Variants in ADGRL4 observed in about 807,000 individuals in gnomAD.
ADGRL4 encodes the protein adhesion G protein-coupled receptor L4, also known as EGF, latrophilin and seven transmembrane domain containing 1.
Under a neutral mutation model 74.8 loss-of-function variants are expected in ADGRL4, and 90 were observed. The ratio of observed to expected loss-of-function variants is 1.20; its 90% CI spans 1.02 to 1.43. The LOEUF (loss-of-function observed/expected upper bound fraction) is 1.43. Ranked by LOEUF, ADGRL4 falls within the 40% of genes most tolerant of loss-of-function variation. The pLI, the probability that ADGRL4 is intolerant of heterozygous loss-of-function variation, is 0.00. For synonymous variants in ADGRL4, 311 were observed against 279.2 expected (o/e 1.11, Z -1.14); for missense variants, 881 against 814.3 (o/e 1.08, Z -1.00).
chr1:78,963,272 C>T (rs1177356470), intron 2 of ADGRL4, among the ~76,000 whole-genome samples: 1 of 152,126 alleles, frequency 6.6e-6, no homozygotes, highest in African/African-American at 2.4e-5. Flanking sequence ...GTTCACATTG[C>T]AACAGAGAGG....
chr1:78,908,578 G>A (rs562183063), intron 12 of ADGRL4, among the ~76,000 whole-genome samples: 2 of 151,964 alleles, frequency 1.3e-5, no homozygotes, highest in Admixed American at 1.3e-4. Flanking sequence ...AGGATTAACT[G>A]AGATATAAGT....
intron 7 of ADGRL4, among the ~76,000 whole-genome samples, chr1:78,929,594 G>T (rs1649197068): frequency 6.6e-6 from 1 of 151,496 alleles, no homozygotes; most frequent in South Asian, 2.1e-4. Flanking sequence ...ATGTTTTAAA[G>T]AATGCATGTG....
At chr1:78,921,217 A>G (rs1648992347) in intron 9 of ADGRL4, among the ~76,000 whole-genome samples, 1 of 151,516 alleles carries the variant, frequency 6.6e-6, no homozygotes, top group East Asian at 1.9e-4. Flanking sequence ...GTGTGCTAAT[A>G]CTTATTGCCC....
chr1:78,891,453 A>AATT, intron 14 of ADGRL4, 71 bp downstream of exon 14: 2 of 1,476,496 alleles, frequency 1.4e-6, no homozygotes, highest in Non-Finnish European at 1.8e-6. Context: ...TGAGAGTAAG[A>AATT]ATTTTCTATC....
chr1:78,951,582 G>A (rs369953890), intron 2 of ADGRL4, among the ~76,000 whole-genome samples: 6 of 152,118 alleles, frequency 3.9e-5, no homozygotes, highest in African/African-American at 1.2e-4. Context: ...ATTTATACCC[G>A]ATAGTATGAA....
At chr1:78,944,311 G>A (rs751827333) in intron 3 of ADGRL4, among the ~76,000 whole-genome samples, 20 of 152,142 alleles carry the variant, frequency 1.3e-4, no homozygotes, top group South Asian at 2.1e-4. Context: ...TTCACTAACT[G>A]GAACATTTCC....
At chr1:78,960,992 T>C (rs1042260954) in intron 2 of ADGRL4, among the ~76,000 whole-genome samples, 3 of 152,240 alleles carry the variant, frequency 2.0e-5, no homozygotes, top group African/African-American at 7.2e-5. Context: ...GCACCCATAT[T>C]TATTCATAAA....
At chr1:78,940,510 T>C (rs1466095520) in intron 3 of ADGRL4, among the ~76,000 whole-genome samples, 1 of 152,140 alleles carries the variant, frequency 6.6e-6, no homozygotes, top group Non-Finnish European at 1.5e-5. Context: ...TACAGTGAAA[T>C]ATGCTTCACA....
At chr1:78,917,456 A>G (rs1232799782) in intron 12 of ADGRL4, among the ~76,000 whole-genome samples, 178 bp downstream of exon 12, 2 of 151,146 alleles carry the variant, frequency 1.3e-5, no homozygotes, top group Admixed American at 6.6e-5. Flanking sequence ...AAAGCTATAC[A>G]TGATTTAAAA....
At chr1:78,913,922 G>C (rs1049906438) in intron 12 of ADGRL4, among the ~76,000 whole-genome samples, 2 of 151,820 alleles carry the variant, frequency 1.3e-5, no homozygotes, top group African/African-American at 4.8e-5. Context: ...TATTTGTGGA[G>C]GTAAAAATTT....
At chr1:78,989,557 C>T (rs768058233) in intron 2 of ADGRL4, among the ~76,000 whole-genome samples, 6 of 151,524 alleles carry the variant, frequency 4.0e-5, no homozygotes, top group Non-Finnish European at 5.9e-5. Context: ...GTAATATGTT[C>T]TTCTTCTAGG....
intron 2 of ADGRL4, among the ~76,000 whole-genome samples, chr1:78,958,542 A>C (rs79653203): frequency 0.039 from 5,927 of 152,264 alleles, 153 homozygotes; most frequent in Middle Eastern, 0.058. Context: ...AAATATCAAG[A>C]GAACTAGAAA....
At chr1:78,949,668 A>G (rs1649682612) in intron 2 of ADGRL4, among the ~76,000 whole-genome samples, 2 of 152,136 alleles carry the variant, frequency 1.3e-5, no homozygotes, top group Non-Finnish European at 2.9e-5. Context: ...GTTTCTCTGG[A>G]TGAGTATAGT....
chr1:78,921,096 G>C (rs1240087199), intron 9 of ADGRL4, among the ~76,000 whole-genome samples: 2 of 151,688 alleles, frequency 1.3e-5, no homozygotes, highest in Admixed American at 1.3e-4. Flanking sequence ...ATGTAAGTAA[G>C]ATATTACAAA....
chr1:78,940,461 C>T (rs1317943368), intron 3 of ADGRL4, among the ~76,000 whole-genome samples: 1 of 152,044 alleles, frequency 6.6e-6, no homozygotes, highest in African/African-American at 2.4e-5. Context: ...GGGTTTTAAG[C>T]TTACATAGTA....
Position 78,946,264 on chromosome 1 carries a change from C to A in ADGRL4, c.325+10G>T. On this transcript the variant is annotated intron_variant, in intron 3 of 14. Coordinates refer to ENST00000370742, the MANE Select transcript of ADGRL4 (RefSeq NM_022159.4). ...TATATACAAATTCTAACTTAGATAA[C>A]CGAACTTACCTATACAGACGGTTCC... is the stretch of plus-strand genomic sequence containing the variant. 1 of 1,587,438 alleles carries A rather than the reference C, an allele frequency of 6.3e-7. No individual in the cohort carries two copies. Among genetic ancestry groups the A allele is most frequent in the Non-Finnish European group, 8.5e-7 (1 of 1,170,164 alleles).
intron 2 of ADGRL4, among the ~76,000 whole-genome samples, chr1:78,948,269 G>A (rs776693814): frequency 6.6e-6 from 1 of 152,130 alleles, no homozygotes; most frequent in Non-Finnish European, 1.5e-5. Flanking sequence ...ACAACTTTGA[G>A]ATATGAAAGA....
At chr1:78,981,220 C>CAATGAAA (rs1650391567) in intron 2 of ADGRL4, among the ~76,000 whole-genome samples, 1 of 151,660 alleles carries the variant, frequency 6.6e-6, no homozygotes, top group Non-Finnish European at 1.5e-5. Flanking sequence ...AAAATATCAA[C>CAATGAAA]TGATTAATGA....
chr1:78,910,476 T>C (rs1283801674), intron 12 of ADGRL4, among the ~76,000 whole-genome samples: 1 of 151,784 alleles, frequency 6.6e-6, no homozygotes, highest in East Asian at 1.9e-4. Flanking sequence ...AGTTTTTAAA[T>C]AAAATACCTT....
Sources: allele counts gnomAD v4.1 joint callset (sites outside exome capture counted in the v4.1 genomes callset), GRCh38; gene constraint gnomAD v4.1.1; transcripts MANE v1.5; gene names NCBI Gene and HGNC (gene_info 2026-07-23, HGNC 2026-07-21).